KYNU: variants seen among roughly 807,000 people sequenced by gnomAD.
The protein encoded by KYNU is L-kynurenine hydrolase.
In KYNU, 54 loss-of-function variants were observed where a neutral mutation model predicts 59.2. The observed-to-expected ratio is 0.91, with a 90% CI of 0.73 to 1.14. KYNU has a LOEUF of 1.14. Among genes scored for constraint, KYNU ranks in the 50% most tolerant of loss-of-function variants. The pLI, the probability that KYNU is intolerant of heterozygous loss-of-function variation, is 0.00. For missense variants in KYNU, 567 were observed against 554.4 expected (o/e 1.02, Z -0.23); for synonymous variants, 177 against 192.0 (o/e 0.92, Z 0.65).
At chr2:142,957,591 C>A in intron 6 of KYNU, 50 bp from the exon 7 acceptor site, 1 of 1,095,736 alleles carries the variant, frequency 9.1e-7, no homozygotes, top group Non-Finnish European at 1.4e-6. Context: ...TTTCAATGTA[C>A]TTCTGTGCTC....
At chr2:143,001,708 G>C (rs1258089792) in intron 10 of KYNU, among the ~76,000 whole-genome samples, 5 of 152,142 alleles carry the variant, frequency 3.3e-5, no homozygotes, top group African/African-American at 1.2e-4. Flanking sequence ...TATTTATTGA[G>C]CAGGACATTG....
chr2:143,036,495 G>T (rs747826083), intron 12 of KYNU, among the ~76,000 whole-genome samples: 1 of 152,174 alleles, frequency 6.6e-6, no homozygotes, highest in Non-Finnish European at 1.5e-5. Context: ...TTTAAATAAG[G>T]AAGAGGAACA....
rs1256924287 is a variant in KYNU at position 143,048,448 on chromosome 2, T to G, written c.*6276T>G. On this transcript the variant is annotated 3_prime_UTR_variant, in exon 14 of 14. Transcript: ENST00000264170. ...TTCATTATAGCATTTTTAGTCTAGC[T>G]TCCTCCCTCCTCTTTCTCTCTCTCT... 1.3e-5 allele frequency: 2 copies of G among 152,012 alleles called. No individual in the cohort carries two copies. The highest frequency in any genetic ancestry group is 1.3e-4 in the Admixed American group (2 of 15,246). 9.4% of individuals were successfully genotyped at this position (152,012 alleles called of 1,614,324 possible). A position where few individuals can be genotyped will look rare whatever the true frequency, so the allele number is the denominator to read the frequency against.
chr2:142,933,001 T>C (rs1683277764), intron 4 of KYNU, among the ~76,000 whole-genome samples: 1 of 152,156 alleles, frequency 6.6e-6, no homozygotes, highest in East Asian at 1.9e-4. Flanking sequence ...GGGGTTTCTA[T>C]GAATAGAGCA....
intron 1 of KYNU, among the ~76,000 whole-genome samples, chr2:142,883,551 T>C (rs1283758323): frequency 6.6e-6 from 1 of 152,118 alleles, no homozygotes; most frequent in Non-Finnish European, 1.5e-5. Context: ...TCACAGTTTG[T>C]CATTCCTCCT....
Position 142,928,844 on chromosome 2 carries a change from C to A in KYNU, c.373+1103C>A, listed in dbSNP as rs139175953. Among the ~76,000 whole-genome samples the A allele has an allele frequency of 7.6e-3, 1,150 of 151,132 alleles. 7 individuals carry two copies. Among genetic ancestry groups the A allele is most frequent in the African/African-American group, 0.027 (1,102 of 41,194 alleles). ...CCAACATGGTGAGATCCCATCTCTA[C>A]AAAAAAATTTTAAAAATTAGCCAAG... On this transcript the variant is annotated intron_variant, in intron 4 of 13. Transcript: ENST00000264170.
chr2:143,009,958 T>A (rs79103345), intron 10 of KYNU, among the ~76,000 whole-genome samples: 2,580 of 114,390 alleles, frequency 0.023, 10 homozygotes, highest in East Asian at 0.042. Context: ...AATATCATAC[T>A]GAATGGGCAA....
chr2:143,031,042 G>A (rs1573915606), intron 11 of KYNU, among the ~76,000 whole-genome samples: 1 of 152,172 alleles, frequency 6.6e-6, no homozygotes, highest in African/African-American at 2.4e-5. Context: ...TACTGCTTTT[G>A]TATCACTGTA....
chr2:142,999,007 C>CAA lies in KYNU; in HGVS notation c.902+13013_902+13014dup, dbSNP rs59742828. 6.9e-4 allele frequency among the ~76,000 whole-genome samples: 44 copies of CAA among 63,456 alleles called. 1 individual carries two copies. Among genetic ancestry groups the CAA allele is most frequent in the African/African-American group, 1.5e-3 (21 of 14,014 alleles). 41.6% of individuals were successfully genotyped at this position (63,456 alleles called of 152,430 possible). ...CTGGCAACAGACTGAGACTCCGTCT[C>CAA]AAAAAAAAAAAAAAAAAAAAAAAAA... On this transcript the variant is annotated intron_variant, in intron 10 of 13. Transcript: ENST00000264170.
chr2:142,950,263 C>G (rs538384407), intron 4 of KYNU, among the ~76,000 whole-genome samples: 1 of 152,354 alleles, frequency 6.6e-6, no homozygotes, highest in South Asian at 2.1e-4. Context: ...TTACCCAGTT[C>G]CAAAGTTGCT....
intron 2 of KYNU, among the ~76,000 whole-genome samples, chr2:142,906,015 CCTCT>C (rs1055506550): frequency 7.2e-5 from 11 of 151,840 alleles, no homozygotes; most frequent in South Asian, 2.1e-4. Flanking sequence ...CTCTCTCTCT[CCTCT>C]CTGTCTCTTT....
chr2:142,969,704 A>G (rs536610421), intron 8 of KYNU, among the ~76,000 whole-genome samples: 2 of 152,340 alleles, frequency 1.3e-5, no homozygotes, highest in East Asian at 1.9e-4. Context: ...CTGGTTGTCA[A>G]TCAGGATCTC....
chr2:142,906,076 GTCTC>G (rs748036689), intron 2 of KYNU, among the ~76,000 whole-genome samples: 6 of 141,736 alleles, frequency 4.2e-5, no homozygotes, highest in Non-Finnish European at 7.7e-5. Context: ...TCTCCTCTCT[GTCTC>G]TCTCTCTCTC....
Position 143,046,189 on chromosome 2 carries a change from C to T in KYNU, c.*4017C>T, listed in dbSNP as rs983015998. The T allele has an allele frequency of 1.3e-5, 2 of 152,132 alleles. No homozygotes were observed. Among genetic ancestry groups the T allele is most frequent in the African/African-American group, 4.8e-5 (2 of 41,460 alleles). 9.4% of individuals were successfully genotyped at this position (152,132 alleles called of 1,614,324 possible). A position where few individuals can be genotyped will look rare whatever the true frequency, so the allele number is the denominator to read the frequency against. ...TAACCATCGAATTATATTTTGTTTT[C>T]TTCATTCCCTTACTTTCTTTAAGTT... On this transcript the variant is annotated 3_prime_UTR_variant, in exon 14 of 14. Coordinates refer to ENST00000264170, the MANE Select transcript of KYNU (RefSeq NM_003937.3).
intron 8 of KYNU, among the ~76,000 whole-genome samples, chr2:142,971,811 T>A (rs1684731835): frequency 1.3e-5 from 2 of 152,210 alleles, no homozygotes; most frequent in Admixed American, 1.3e-4. Flanking sequence ...TTAAAAAGAA[T>A]CAGAAGCTTC....
chr2:143,013,942 T>C (rs1003537894), intron 10 of KYNU, among the ~76,000 whole-genome samples: 2 of 152,218 alleles, frequency 1.3e-5, no homozygotes, highest in African/African-American at 4.8e-5. Flanking sequence ...ATGCCTTTTA[T>C]CCCAACCATC....
chr2:143,023,406 C>A (rs1414324934), intron 10 of KYNU, among the ~76,000 whole-genome samples: 1 of 151,778 alleles, frequency 6.6e-6, no homozygotes, highest in African/African-American at 2.4e-5. Context: ...ATGAGCATTT[C>A]TTTTGAAAGC....
chr2:143,037,106 AT>A (rs901058421), intron 12 of KYNU, among the ~76,000 whole-genome samples: 2 of 140,232 alleles, frequency 1.4e-5, no homozygotes, highest in South Asian at 4.5e-4. Flanking sequence ...TTTTGTTTAT[AT>A]TTTTTTATCT....
chr2:142,933,630 T>C (rs1463699018), intron 4 of KYNU, among the ~76,000 whole-genome samples: 1 of 152,116 alleles, frequency 6.6e-6, no homozygotes, highest in African/African-American at 2.4e-5. Context: ...TAATTGTGCT[T>C]TCTTAGAGGA....
Sources: allele counts gnomAD v4.1 joint callset (sites outside exome capture counted in the v4.1 genomes callset), GRCh38; gene constraint gnomAD v4.1.1; transcripts MANE v1.5; gene names NCBI Gene and HGNC (gene_info 2026-07-23, HGNC 2026-07-21).